The following PEBP4 variants were observed in gnomAD, a reference collection of about 807,000 sequenced individuals.
The protein encoded by PEBP4 is phosphatidylethanolamine-binding protein 4.
PEBP4 carries 22 observed loss-of-function variants against 23.9 expected under a neutral mutation model. The observed-to-expected ratio is 0.92, with a 90% CI of 0.66 to 1.31. The LOEUF (loss-of-function observed/expected upper bound fraction) is 1.31. Ranked by LOEUF, PEBP4 falls within the 40% of genes most tolerant of loss-of-function variation. The probability of loss-of-function intolerance (pLI) is 0.00; values close to 1 mark genes in which losing one functional copy is unlikely to be tolerated. For missense variants in PEBP4, 324 were observed against 281.7 expected (o/e 1.15, Z -1.07); for synonymous variants, 112 against 99.3 (o/e 1.13, Z -0.76).
chr8:22,892,348 G>A (rs1808511345), intron 3 of PEBP4, among the ~76,000 whole-genome samples: 1 of 152,110 alleles, frequency 6.6e-6, no homozygotes, highest in South Asian at 2.1e-4. Flanking sequence ...TCACACTGCT[G>A]TGTAGCATCA....
At chr8:22,813,696 A>T (rs573840970) in intron 4 of PEBP4, among the ~76,000 whole-genome samples, 2 of 152,368 alleles carry the variant, frequency 1.3e-5, no homozygotes, top group Non-Finnish European at 2.9e-5. Context: ...GGGGAGAAAG[A>T]TGTTATCTGT....
At position 22,733,597 on chromosome 8, in the gene PEBP4, C is replaced by A. The variant is rs528660841; in HGVS notation, c.358-6377G>T. On this transcript the variant is annotated intron_variant, in intron 4 of 6. Coordinates refer to ENST00000256404, the MANE Select transcript of PEBP4 (RefSeq NM_144962.3). ...TGGGTGTTTGTGAAGGCCCCAGATACTCAGGCTCGTGGTGCCTCAGAGCAA... is the reference window on the plus strand; with the variant it reads ...TGGGTGTTTGTGAAGGCCCCAGATAATCAGGCTCGTGGTGCCTCAGAGCAA... 2.0e-5 allele frequency among the ~76,000 whole-genome samples: 3 copies of A among 152,250 alleles called. No homozygotes were observed. The South Asian group carries it at 6.2e-4, about 32-fold the overall frequency.
upstream of PEBP4, among the ~76,000 whole-genome samples, chr8:22,932,699 C>G (rs2128782943): frequency 2.0e-5 from 1 of 49,414 alleles, no homozygotes; most frequent in East Asian, 3.5e-4. Context: ...TTTTTAAAAG[C>G]CTCCTTCAAA....
chr8:22,857,233 A>G (rs1807672533), intron 3 of PEBP4, among the ~76,000 whole-genome samples: 1 of 128,554 alleles, frequency 7.8e-6, no homozygotes, highest in African/African-American at 3.1e-5. Context: ...ACTTTAAAAA[A>G]TGAAACCTAC....
At chr8:22,905,651 TA>T (rs1055315902) in intron 3 of PEBP4, among the ~76,000 whole-genome samples, 4 of 152,198 alleles carry the variant, frequency 2.6e-5, no homozygotes, top group African/African-American at 9.6e-5. Flanking sequence ...TTTACTTCTC[TA>T]GGGGTCCGGA....
chr8:22,840,418 T>C (rs1807300655), intron 3 of PEBP4, among the ~76,000 whole-genome samples: 1 of 151,860 alleles, frequency 6.6e-6, no homozygotes, highest in South Asian at 2.1e-4. Flanking sequence ...TTTTTTTTTT[T>C]TTTTTAAAGA....
chr8:22,810,669 G>GGTGTGTGTGT (rs60078589), intron 4 of PEBP4, among the ~76,000 whole-genome samples: 184 of 129,184 alleles, frequency 1.4e-3, no homozygotes, highest in African/African-American at 3.8e-3. Flanking sequence ...CTCATGGAGG[G>GGTGTGTGTGT]GTGTGTGTGT....
At position 22,900,706 on chromosome 8, in the gene PEBP4, C is replaced by A. The variant is rs188082443; in HGVS notation, c.258+19478G>T. Among the ~76,000 whole-genome samples, 31 of 151,898 alleles carry A rather than the reference C, an allele frequency of 2.0e-4. 1 individual carries two copies. The highest frequency in any genetic ancestry group is 2.0e-3 in the Admixed American group (31 of 15,270). ...TTCCTTTTACAGATGAGAGAACTAG[C>A]CTAGGAGGTTGAGAAACTTAAGCTA... is the stretch of plus-strand genomic sequence containing the variant. On this transcript the variant is annotated intron_variant, in intron 3 of 6. Transcript: ENST00000256404.
At chr8:22,767,323 A>G (rs889215366) in intron 4 of PEBP4, among the ~76,000 whole-genome samples, 1 of 152,208 alleles carries the variant, frequency 6.6e-6, no homozygotes, top group African/African-American at 2.4e-5. Flanking sequence ...GATGTATCAC[A>G]AGCAAATGCT....
chr8:22,921,970 C>T (rs567904239), intron 2 of PEBP4, among the ~76,000 whole-genome samples: 9 of 152,318 alleles, frequency 5.9e-5, no homozygotes, highest in African/African-American at 1.7e-4. Flanking sequence ...GGTGGAGGGA[C>T]GCCCTCACGC....
intron 4 of PEBP4, among the ~76,000 whole-genome samples, chr8:22,802,349 C>T (rs149076864): frequency 6.6e-5 from 10 of 152,352 alleles, no homozygotes; most frequent in African/African-American, 1.4e-4. Flanking sequence ...GTCTCTCACC[C>T]GGCACTCCTG....
chr8:22,871,754 A>G (rs1211179961), intron 3 of PEBP4, among the ~76,000 whole-genome samples: 2 of 151,750 alleles, frequency 1.3e-5, no homozygotes, highest in Admixed American at 6.6e-5. Context: ...GGTTTTCACT[A>G]TGTTGGCCAG....
At chr8:22,766,578 G>C (rs898135265) in intron 4 of PEBP4, among the ~76,000 whole-genome samples, 3 of 152,190 alleles carry the variant, frequency 2.0e-5, no homozygotes, top group Non-Finnish European at 4.4e-5. Context: ...GCGATGATGC[G>C]ACCTGGTGCC....
intron 3 of PEBP4, chr8:22,884,055 G>A (rs1208981119): frequency 6.6e-6 from 1 of 152,198 alleles, no homozygotes; most frequent in Admixed American, 6.5e-5. Context: ...TGGAGTTGAT[G>A]CATCTTGACT....
intron 2 of PEBP4, among the ~76,000 whole-genome samples, chr8:22,926,856 C>T (rs888824224): frequency 2.6e-5 from 4 of 152,210 alleles, no homozygotes; most frequent in African/African-American, 4.8e-5. Flanking sequence ...ATTTCTCACA[C>T]GTGGGCTCAG....
At chr8:22,738,597 T>C (rs1376124182) in intron 4 of PEBP4, among the ~76,000 whole-genome samples, 4 of 152,068 alleles carry the variant, frequency 2.6e-5, no homozygotes, top group Non-Finnish European at 5.9e-5. Context: ...AACCTCAGGC[T>C]GGGTCCGAGA....
chr8:22,884,203 C>T (rs2128773072), intron 3 of PEBP4: 1 of 152,264 alleles, frequency 6.6e-6, no homozygotes, highest in East Asian at 1.9e-4. Flanking sequence ...ACACAGGGAC[C>T]TCTTTAAAAT....
intron 4 of PEBP4, among the ~76,000 whole-genome samples, chr8:22,773,675 G>A (rs544510961): frequency 6.6e-6 from 1 of 152,322 alleles, no homozygotes; most frequent in South Asian, 2.1e-4. Flanking sequence ...AGAAGGACCT[G>A]TGGGATGTTC....
intron 4 of PEBP4, among the ~76,000 whole-genome samples, chr8:22,817,211 T>C (rs1327600357): frequency 6.6e-6 from 1 of 152,220 alleles, no homozygotes; most frequent in Non-Finnish European, 1.5e-5. Flanking sequence ...GGACTTCTCC[T>C]GGCCGGTTCT....
Sources: allele counts gnomAD v4.1 joint callset (sites outside exome capture counted in the v4.1 genomes callset), GRCh38; gene constraint gnomAD v4.1.1; transcripts MANE v1.5; gene names NCBI Gene and HGNC (gene_info 2026-07-23, HGNC 2026-07-21).